UNC79: variants seen among roughly 807,000 people sequenced by gnomAD.
The protein encoded by UNC79 is unc-79 subunit of NALCN channel complex.
UNC79 carries 37 observed loss-of-function variants against 283.1 expected under a neutral mutation model. That is an observed-to-expected ratio of 0.13 (90% CI 0.10 to 0.17). The LOEUF is 0.17. Among genes scored for constraint, UNC79 ranks in the 10% least tolerant of loss-of-function variants. UNC79 has a pLI of 1.00. For missense variants in UNC79, 2,272 were observed against 3,211.1 expected (o/e 0.71, Z 7.07); for synonymous variants, 1,107 against 1,200.2 (o/e 0.92, Z 1.61).
intron 7 of UNC79, among the ~76,000 whole-genome samples, chr14:93,520,481 A>T (rs1048158671): frequency 1.3e-5 from 2 of 151,842 alleles, no homozygotes; most frequent in Non-Finnish European, 2.9e-5. Context: ...TGTCTCTTCA[A>T]ATATTTCCCC....
At chr14:93,701,014 C>A (rs1224129877) in intron 47 of UNC79, among the ~76,000 whole-genome samples, 2 of 152,012 alleles carry the variant, frequency 1.3e-5, no homozygotes, top group East Asian at 3.9e-4. Context: ...GTCTCTCTCT[C>A]TGTAGATCTC....
intron 1 of UNC79, among the ~76,000 whole-genome samples, chr14:93,356,466 A>G (rs1249146791): frequency 2.0e-5 from 3 of 152,198 alleles, no homozygotes; most frequent in South Asian, 4.1e-4. Flanking sequence ...CTCACCCACG[A>G]GAGACTGTCA....
chr14:93,401,392 T>C (rs779726975), intron 1 of UNC79, among the ~76,000 whole-genome samples: 2 of 152,196 alleles, frequency 1.3e-5, no homozygotes, highest in Non-Finnish European at 2.9e-5. Context: ...ACAGTAATGA[T>C]AGATAAATCA....
rs750610553 is a variant in UNC79 at position 93,637,201 on chromosome 14, T to A, written c.5717-15T>A. 3 of 1,061,860 alleles carry A rather than the reference T, an allele frequency of 2.8e-6. No homozygotes were observed. Among genetic ancestry groups the A allele is most frequent in the Non-Finnish European group, 4.4e-6 (3 of 675,584 alleles). 65.8% of individuals were successfully genotyped at this position (1,061,860 alleles called of 1,614,324 possible). A position where few individuals can be genotyped will look rare whatever the true frequency, so the allele number is the denominator to read the frequency against. On this transcript the variant is annotated splice_polypyrimidine_tract_variant and intron_variant, in intron 31 of 48. Coordinates refer to ENST00000555664, the Ensembl canonical transcript of UNC79. ...ATGACCACATCAAAGACTGAAACCC[T>A]CTATTTATCCACAGAACAGATACAG...
At chr14:93,587,122 T>A (rs2064279358) in intron 22 of UNC79, among the ~76,000 whole-genome samples, 1 of 152,172 alleles carries the variant, frequency 6.6e-6, no homozygotes, top group South Asian at 2.1e-4. Context: ...TGATACTGAA[T>A]AAATAGAAAA....
intron 1 of UNC79, among the ~76,000 whole-genome samples, chr14:93,357,848 TATATGG>T (rs2054135815): frequency 1.1e-5 from 1 of 88,866 alleles, no homozygotes; most frequent in Admixed American, 1.5e-4. Flanking sequence ...TATATATGGA[TATATGG>T]ATATATATAT....
In UNC79 at chr14:93,363,325, C is replaced by G. The variant is rs145547144; in HGVS notation, c.-351+29802C>G. Reference sequence around the variant, plus strand: ...TTTTTATTGTGCTGTAGCTTGAGAGCGTAATTGTTAAGATTTTGGTTTTTA... The same window carrying G: ...TTTTTATTGTGCTGTAGCTTGAGAGGGTAATTGTTAAGATTTTGGTTTTTA... On this transcript the variant is annotated intron_variant, in intron 1 of 49. Coordinates refer to the UNC79 transcript ENST00000256339. 8.4e-3 allele frequency among the ~76,000 whole-genome samples: 1,271 copies of G among 152,144 alleles called. 9 individuals carry two copies. The highest frequency in any genetic ancestry group is 0.012 in the Non-Finnish European group (803 of 68,012).
intron 1 of UNC79, among the ~76,000 whole-genome samples, chr14:93,363,509 A>G (rs1010914196): frequency 6.6e-6 from 1 of 152,100 alleles, no homozygotes; most frequent in East Asian, 1.9e-4. Context: ...TTAGGTCCCA[A>G]ACATCTTTGT....
At chr14:93,432,886 C>T (rs951127231) in intron 1 of UNC79, among the ~76,000 whole-genome samples, 1 of 152,176 alleles carries the variant, frequency 6.6e-6, no homozygotes, top group African/African-American at 2.4e-5. Context: ...TGTCCTCTTC[C>T]TGTGTTTTCT....
chr14:93,339,677 A>C (rs1387922222), intron 1 of UNC79, among the ~76,000 whole-genome samples: 1 of 152,250 alleles, frequency 6.6e-6, no homozygotes, highest in East Asian at 1.9e-4. Context: ...GGCTCTGCCC[A>C]AATCACAGAC....
chr14:93,372,255 A>G (rs889704788), intron 1 of UNC79, among the ~76,000 whole-genome samples: 17 of 152,246 alleles, frequency 1.1e-4, no homozygotes, highest in African/African-American at 4.1e-4. Context: ...GTGTATAAGT[A>G]TATATACAGT....
chr14:93,520,968 C>G (rs1281633616), intron 7 of UNC79, among the ~76,000 whole-genome samples: 2 of 151,930 alleles, frequency 1.3e-5, no homozygotes, highest in African/African-American at 4.8e-5. Flanking sequence ...TGACTGGATG[C>G]TGGATTTCAT....
intron 34 of UNC79, among the ~76,000 whole-genome samples, chr14:93,644,778 C>A (rs1596212241): frequency 6.6e-6 from 1 of 152,120 alleles, no homozygotes; most frequent in African/African-American, 2.4e-5. Context: ...AATAGGAAAG[C>A]ATTATAAACT....
chr14:93,634,544 G>A, intron 31 of UNC79: 2 of 1,614,078 alleles, frequency 1.2e-6, no homozygotes, highest in Non-Finnish European at 1.7e-6. Flanking sequence ...GATGAAAAGG[G>A]GATCCCTGGG....
At chr14:93,540,588 T>C in intron 12 of UNC79, 72 bp from the exon 13 acceptor site, 1 of 1,538,202 alleles carries the variant, frequency 6.5e-7, no homozygotes, top group Non-Finnish European at 8.7e-7. Context: ...GTGAGGTACT[T>C]CCTCTGAATG....
intron 22 of UNC79, among the ~76,000 whole-genome samples, chr14:93,588,830 T>G (rs991189610): frequency 3.7e-4 from 54 of 145,248 alleles, no homozygotes; most frequent in African/African-American, 1.3e-3. Context: ...AAACAGTTAG[T>G]GGGTGCAAGT....
At chr14:93,561,868 G>A (rs1236209480) in intron 14 of UNC79, among the ~76,000 whole-genome samples, 4 of 152,180 alleles carry the variant, frequency 2.6e-5, no homozygotes. Flanking sequence ...GAGTAGTTGA[G>A]AACGGTGAAT....
Position 93,706,655 on chromosome 14 carries a change from G to C in UNC79, c.7591-49G>C, listed in dbSNP as rs773447483. 6.8e-6 allele frequency: 11 copies of C among 1,607,480 alleles called. No homozygotes were observed. The African/African-American group carries it at 1.5e-4, about 21-fold the overall frequency. On this transcript the variant is annotated intron_variant, in intron 48 of 48. Transcript: ENST00000555664. The stretch of plus-strand genomic sequence containing the variant: ...AGCCGCCCGGGTCGACACTCCCTGG[G>C]TTGCCCGTGAAAAGAAATAAACTAA...
At chr14:93,537,061 CACAAGCTCTGAGT>C (rs1332394555) in intron 11 of UNC79, among the ~76,000 whole-genome samples, 4 of 152,178 alleles carry the variant, frequency 2.6e-5, no homozygotes, top group Non-Finnish European at 5.9e-5. Flanking sequence ...TCCCTCCTCT[CACAAGCTCTGAGT>C]TCATAAAGCC....
Sources: gnomAD v4.1 joint callset for allele counts (sites outside exome capture counted in the v4.1 genomes callset) on GRCh38, gnomAD v4.1.1 for gene constraint, MANE v1.5 for transcripts, NCBI Gene and HGNC (gene_info 2026-07-23, HGNC 2026-07-21) for gene names.